The following CCM2 variants were observed in gnomAD, a reference collection of about 807,000 sequenced individuals.
CCM2 encodes the protein CCM2 scaffold protein.
In CCM2, 25 loss-of-function variants were observed where a neutral mutation model predicts 44.9. That is an observed-to-expected ratio of 0.56 (90% CI 0.41 to 0.78). CCM2 has a LOEUF of 0.78. Ranked by LOEUF, CCM2 falls within the 30% of genes least tolerant of loss-of-function variation. CCM2 has a pLI of 0.00. For missense variants in CCM2, 481 were observed against 580.6 expected (o/e 0.83, Z 1.76); for synonymous variants, 219 against 241.1 (o/e 0.91, Z 0.85).
At chr7:45,054,714 G>C (rs1319140160) in intron 2 of CCM2, among the ~76,000 whole-genome samples, 1 of 152,186 alleles carries the variant, frequency 6.6e-6, no homozygotes, top group East Asian at 1.9e-4. Context: ...TGGCTGGTCA[G>C]ATGTCCCCTT....
chr7:45,018,441 C>G (rs575698472), intron 1 of CCM2, among the ~76,000 whole-genome samples: 64 of 151,974 alleles, frequency 4.2e-4, no homozygotes, highest in Admixed American at 2.6e-3. Context: ...ACTGCAACCT[C>G]CACCTCCTGG....
At chr7:45,028,575 T>C (rs1796800128) in intron 1 of CCM2, among the ~76,000 whole-genome samples, 1 of 151,922 alleles carries the variant, frequency 6.6e-6, no homozygotes. Context: ...GAGAATCACT[T>C]GAACCCGGGA....
chr7:45,008,356 C>CTTT (rs59435094), intron 1 of CCM2, among the ~76,000 whole-genome samples: 6 of 114,790 alleles, frequency 5.2e-5, no homozygotes, highest in African/African-American at 1.2e-4. Flanking sequence ...GGTACATGTT[C>CTTT]TTTTTTTTTT....
intron 2 of CCM2, among the ~76,000 whole-genome samples, chr7:45,060,957 C>A (rs1046947622): frequency 3.3e-5 from 5 of 152,124 alleles, no homozygotes; most frequent in Non-Finnish European, 5.9e-5. Flanking sequence ...GGAACTTAGG[C>A]GTCAGGTTAA....
At chr7:45,008,651 C>T (rs572227363) in intron 1 of CCM2, among the ~76,000 whole-genome samples, 4 of 152,206 alleles carry the variant, frequency 2.6e-5, no homozygotes, top group South Asian at 2.1e-4. Context: ...CGTGAGCCAC[C>T]GCACCCGGCC....
intron 2 of CCM2, among the ~76,000 whole-genome samples, chr7:45,051,675 C>T (rs1798016713): frequency 6.6e-6 from 1 of 152,220 alleles, no homozygotes; most frequent in Non-Finnish European, 1.5e-5. Flanking sequence ...ATTCTCCTGC[C>T]TCAGCCTCCC....
chr7:45,058,540 A>G (rs866873074), intron 2 of CCM2, among the ~76,000 whole-genome samples: 4 of 138,030 alleles, frequency 2.9e-5, no homozygotes, highest in African/African-American at 1.1e-4. Flanking sequence ...TCATTGTTCA[A>G]TTCCCACCTA....
chr7:45,050,500 A>G (rs1797952274), intron 2 of CCM2, among the ~76,000 whole-genome samples: 1 of 152,202 alleles, frequency 6.6e-6, no homozygotes, highest in African/African-American at 2.4e-5. Flanking sequence ...CTGAGGGACA[A>G]CTGTACCTGT....
intron 2 of CCM2, among the ~76,000 whole-genome samples, chr7:45,042,225 C>T (rs1308856923): frequency 7.3e-6 from 1 of 136,914 alleles, no homozygotes; most frequent in Non-Finnish European, 1.5e-5. Flanking sequence ...GAGATCTCAC[C>T]ACTGCACTCC....
chr7:45,000,590 C>G (rs1190367072), intron 1 of CCM2, among the ~76,000 whole-genome samples: 1 of 152,132 alleles, frequency 6.6e-6, no homozygotes, highest in Non-Finnish European at 1.5e-5. Context: ...GCGGCTCGCC[C>G]CGACCTCGGC....
chr7:45,020,914 A>T (rs1340814334), intron 1 of CCM2, among the ~76,000 whole-genome samples: 1 of 152,134 alleles, frequency 6.6e-6, no homozygotes, highest in Non-Finnish European at 1.5e-5. Flanking sequence ...AGCAGTAATA[A>T]TACAGTCTTA....
chr7:45,009,490 C>T (rs1583839404), intron 1 of CCM2, among the ~76,000 whole-genome samples: 2 of 148,632 alleles, frequency 1.3e-5, no homozygotes, highest in South Asian at 2.1e-4. Flanking sequence ...TTGCAACCTC[C>T]GCCTCCTTTG....
intron 2 of CCM2, among the ~76,000 whole-genome samples, chr7:45,058,441 G>A (rs185204925): frequency 1.8e-4 from 27 of 151,510 alleles, no homozygotes; most frequent in African/African-American, 6.5e-4. Flanking sequence ...TTAGCATTAG[G>A]TATATCTTCT....
At chr7:45,028,940 G>A (rs1796825373) in intron 1 of CCM2, among the ~76,000 whole-genome samples, 1 of 152,166 alleles carries the variant, frequency 6.6e-6, no homozygotes, top group African/African-American at 2.4e-5. Flanking sequence ...TGCCTCGGAT[G>A]TGCACCTTAG....
chr7:45,016,868 A>G (rs1251330774), intron 1 of CCM2, among the ~76,000 whole-genome samples: 1 of 152,086 alleles, frequency 6.6e-6, no homozygotes, highest in Non-Finnish European at 1.5e-5. Context: ...CCTGGCCTCA[A>G]GTGATCTGAC....
At chr7:45,043,162 G>A (rs1797593369) in intron 2 of CCM2, among the ~76,000 whole-genome samples, 1 of 151,806 alleles carries the variant, frequency 6.6e-6, no homozygotes, top group South Asian at 2.1e-4. Flanking sequence ...TAGAGATGAG[G>A]TCTCACTGTG....
At chr7:45,073,832 G>A (rs1196545720) in intron 8 of CCM2, 1 of 565,918 alleles carries the variant, frequency 1.8e-6, no homozygotes, top group African/African-American at 1.9e-5. Context: ...CCTGGGGGAG[G>A]GGAGGGAACG....
In CCM2 at chr7:45,068,436, T is replaced by C. The variant is rs557108717; in HGVS notation, c.473-7T>C. The C allele has an allele frequency of 6.2e-7, 1 of 1,614,054 alleles. No individual in the cohort carries two copies. Among genetic ancestry groups the C allele is most frequent in the African/African-American group, 1.3e-5 (1 of 75,016 alleles). On this transcript the variant is annotated splice_polypyrimidine_tract_variant and splice_region_variant and intron_variant, in intron 4 of 9. Coordinates refer to ENST00000258781, the MANE Select transcript of CCM2 (RefSeq NM_031443.4). ...TGTGCTAAACTGAGATGGTGTTGACTTCTCAGCCCAGGACCCAGGGATCTC... is the reference window on the plus strand; with the variant it reads ...TGTGCTAAACTGAGATGGTGTTGACCTCTCAGCCCAGGACCCAGGGATCTC...
Position 45,071,926 on chromosome 7 carries a change from A to G in CCM2, c.746-800A>G, listed in dbSNP as rs761865047. ...TTTGAAATTGGTAACATATTCACCA[A>G]TTCCAGGGATTAGGATGTGGACGTC... On this transcript the variant is annotated intron_variant, in intron 6 of 9. Coordinates refer to ENST00000258781, the MANE Select transcript of CCM2 (RefSeq NM_031443.4). 294 of 453,690 alleles carry G rather than the reference A, an allele frequency of 6.5e-4. 4 individuals carry two copies. The Middle Eastern group carries it at 0.015, about 24-fold the overall frequency. The allele number at this position is 453,690 out of a possible 1,614,324, so 28.1% of individuals were successfully genotyped here. A position where few individuals can be genotyped will look rare whatever the true frequency, so the allele number is the denominator to read the frequency against.
Sources: allele counts gnomAD v4.1 joint callset (sites outside exome capture counted in the v4.1 genomes callset), GRCh38; gene constraint gnomAD v4.1.1; transcripts MANE v1.5; gene names NCBI Gene and HGNC (gene_info 2026-07-23, HGNC 2026-07-21).